The following RHBDF2 variants were observed in gnomAD, a reference collection of about 807,000 sequenced individuals.
RHBDF2 encodes the protein rhomboid 5 homolog 2, also known as inactive rhomboid protein 2.
In RHBDF2, 38 loss-of-function variants were observed where a neutral mutation model predicts 95.2. The ratio of observed to expected loss-of-function variants is 0.40; its 90% CI spans 0.31 to 0.52. RHBDF2 has a LOEUF of 0.52. Ranked by LOEUF, RHBDF2 falls within the 20% of genes least tolerant of loss-of-function variation. The pLI, the probability that RHBDF2 is intolerant of heterozygous loss-of-function variation, is 0.56. For synonymous variants in RHBDF2, 442 were observed against 462.0 expected (o/e 0.96, Z 0.55); for missense variants, 863 against 1,137.7 (o/e 0.76, Z 3.47).
chr17:76,479,799 C>G lies in RHBDF2; in HGVS notation c.206G>C (p.Trp69Ser). The change falls in exon 4 of 19, where the codon TGG (tryptophan) becomes TCG (serine). Residue 69 changes from tryptophan to serine, a missense_variant. Coordinates refer to ENST00000675367, the MANE Select transcript of RHBDF2 (RefSeq NM_001005498.4). ...SVSLQEPRSR[W>S]QESSEKRPGF... Reference sequence around the variant, plus strand: ...AGGGCGCTTCTCTGAACTCTCCTGCCATCGGCTGCGTGGCTCCTGGAGGCT... The same window carrying G: ...AGGGCGCTTCTCTGAACTCTCCTGCGATCGGCTGCGTGGCTCCTGGAGGCT... 1.9e-6 allele frequency: 3 copies of G among 1,613,632 alleles called. No homozygotes were observed. Among genetic ancestry groups the G allele is most frequent in the Non-Finnish European group, 2.5e-6 (3 of 1,179,948 alleles).
chr17:76,500,270 G>A (rs1356725535), intron 1 of RHBDF2, among the ~76,000 whole-genome samples: 1 of 151,988 alleles, frequency 6.6e-6, no homozygotes, highest in East Asian at 1.9e-4. Flanking sequence ...CCCACTACCT[G>A]CCAGTAACAA....
intron 1 of RHBDF2, among the ~76,000 whole-genome samples, chr17:76,499,389 G>T (rs1475913043): frequency 6.6e-6 from 1 of 152,166 alleles, no homozygotes; most frequent in Non-Finnish European, 1.5e-5. Flanking sequence ...CCTCCTTGTT[G>T]CCAGAAAACT....
At chr17:76,481,996 CACACACA>C (rs1368452258) in intron 2 of RHBDF2, 1 of 60,832 alleles carries the variant, frequency 1.6e-5, no homozygotes, top group African/African-American at 5.1e-5. Flanking sequence ...CACACACACA[CACACACA>C]AAACCAAAAA....
intron 2 of RHBDF2, among the ~76,000 whole-genome samples, chr17:76,482,983 A>C (rs1414654177): frequency 6.6e-6 from 1 of 152,202 alleles, no homozygotes; most frequent in Non-Finnish European, 1.5e-5. Flanking sequence ...TAGCCTGGCC[A>C]ACACAGTGAA....
intron 17 of RHBDF2, 44 bp from the exon 18 acceptor site, chr17:76,472,883 T>G (rs1037818113): frequency 2.5e-6 from 4 of 1,577,096 alleles, no homozygotes; most frequent in African/African-American, 1.3e-5. Context: ...GCCAGGCACT[T>G]CAGGAGCAGT....
At chr17:76,483,764 G>A (rs372710558) in intron 2 of RHBDF2, among the ~76,000 whole-genome samples, 2 of 152,236 alleles carry the variant, frequency 1.3e-5, no homozygotes, top group East Asian at 3.8e-4. Flanking sequence ...ACAAGACCAA[G>A]TTCTGGAAGC....
intron 1 of RHBDF2, among the ~76,000 whole-genome samples, chr17:76,493,560 A>C (rs1275821899): frequency 6.6e-6 from 1 of 152,096 alleles, no homozygotes; most frequent in East Asian, 1.9e-4. Context: ...CAGGGTTGGC[A>C]TGAGCTGCGG....
Position 76,473,826 on chromosome 17 carries a change from C to A in RHBDF2, c.1638+13G>T, listed in dbSNP as rs934360848. On this transcript the variant is annotated intron_variant, in intron 14 of 18. Coordinates refer to ENST00000675367, the MANE Select transcript of RHBDF2 (RefSeq NM_001005498.4). Reference sequence around the variant, plus strand: ...CTGACCTTCCCAGACCACTCCCCGCCAGGGACACTCACCGGCCACTTAGTG... The same window carrying A: ...CTGACCTTCCCAGACCACTCCCCGCAAGGGACACTCACCGGCCACTTAGTG... 3 of 1,613,978 alleles carry A rather than the reference C, an allele frequency of 1.9e-6. No individual in the cohort carries two copies. The Admixed American group carries it at 5.0e-5, about 27-fold the overall frequency.
chr17:76,473,447 C>G, intron 15 of RHBDF2, 120 bp from the exon 16 acceptor site: 1 of 1,034,712 alleles, frequency 9.7e-7, no homozygotes, highest in Non-Finnish European at 1.5e-6. Context: ...GATGCCGCAT[C>G]CAGAACCTTC....
chr17:76,479,366 C>A, intron 4 of RHBDF2, 89 bp from the exon 5 acceptor site: 1 of 1,520,044 alleles, frequency 6.6e-7, no homozygotes, highest in Non-Finnish European at 8.8e-7. Context: ...ACGTGTGTGC[C>A]CGCGTGCCTA....
chr17:76,495,981 C>T (rs895460982), intron 1 of RHBDF2, among the ~76,000 whole-genome samples: 3 of 152,148 alleles, frequency 2.0e-5, no homozygotes, highest in Admixed American at 1.3e-4. Context: ...GCTTATGGCC[C>T]ACACCTTGCT....
chr17:76,492,365 T>C (rs747484848), intron 1 of RHBDF2, among the ~76,000 whole-genome samples: 5 of 152,042 alleles, frequency 3.3e-5, no homozygotes, highest in Admixed American at 6.5e-5. Context: ...CTCAGACACA[T>C]CCAACGAAAC....
chr17:76,484,779 CCT>C (rs1265234788), intron 2 of RHBDF2, among the ~76,000 whole-genome samples: 1 of 152,300 alleles, frequency 6.6e-6, no homozygotes, highest in East Asian at 1.9e-4. Flanking sequence ...TTCCTGGGCC[CCT>C]CATTGTCTCA....
intron 18 of RHBDF2, 126 bp from the exon 19 acceptor site, chr17:76,472,178 G>C: frequency 1.1e-6 from 1 of 916,274 alleles, no homozygotes; most frequent in South Asian, 1.7e-5. Context: ...AGGCTGAGGG[G>C]CAGGGGGTCG....
At chr17:76,476,636 A>G (rs2073779864) in intron 9 of RHBDF2, 194 bp downstream of exon 9, 1 of 740,286 alleles carries the variant, frequency 1.4e-6, no homozygotes, top group Non-Finnish European at 2.1e-6. Flanking sequence ...AGAGGCAGCA[A>G]GCACCCCTGG....
In RHBDF2 at chr17:76,474,788, C is replaced by T. The variant is rs1241706141; in HGVS notation, c.1244G>A (p.Gly415Asp). ...VTTQLVLRNK[G>D]VYESVKYIQQ... ...GATGTACTTCACGCTCTCGTACACA[C>T]CTTTGTTCCGCAGCACCTATCGTGG... is the stretch of plus-strand genomic sequence containing the variant. The change falls in exon 11 of 19, where the codon GGT becomes GAT. Residue 415 changes from glycine to aspartate, a missense_variant. Around this residue, in one of 2 missense-constraint regions of RHBDF2, gnomAD observed 611 missense variants for 725.5 expected, o/e 0.84. Coordinates refer to ENST00000675367, the MANE Select transcript of RHBDF2 (RefSeq NM_001005498.4). 3.7e-6 allele frequency: 6 copies of T among 1,614,150 alleles called. No individual in the cohort carries two copies. The highest frequency in any genetic ancestry group is 1.6e-4 in the Middle Eastern group (1 of 6,062).
intron 1 of RHBDF2, among the ~76,000 whole-genome samples, chr17:76,499,615 C>T (rs2074526080): frequency 6.6e-6 from 1 of 152,106 alleles, no homozygotes; most frequent in African/African-American, 2.4e-5. Flanking sequence ...GCCTGGGGAC[C>T]CCCCAGGAAT....
chr17:76,499,023 A>C (rs2074510237), intron 1 of RHBDF2, among the ~76,000 whole-genome samples: 1 of 152,086 alleles, frequency 6.6e-6, no homozygotes, highest in African/African-American at 2.4e-5. Context: ...ACTTTGTACA[A>C]GCCTGGGTGC....
At chr17:76,474,874 C>A in intron 10 of RHBDF2, 70 bp from the exon 11 acceptor site, 1 of 1,577,816 alleles carries the variant, frequency 6.3e-7, no homozygotes, top group Non-Finnish European at 8.7e-7. Flanking sequence ...GCTGGGGCAG[C>A]TGTCCCCAGG....
Sources: allele counts gnomAD v4.1 joint callset (sites outside exome capture counted in the v4.1 genomes callset), GRCh38; gene constraint gnomAD v4.1.1; regional missense constraint gnomAD v4.1.1; transcripts MANE v1.5; gene names NCBI Gene and HGNC (gene_info 2026-07-23, HGNC 2026-07-21).